Variants in BICC1 observed in about 807,000 individuals in gnomAD.
BICC1 encodes the protein protein bicaudal C homolog 1.
BICC1 carries 43 observed loss-of-function variants against 111.0 expected under a neutral mutation model. The ratio of observed to expected loss-of-function variants is 0.39; its 90% CI spans 0.30 to 0.50. The LOEUF is 0.50. BICC1 is among the 20% of genes least tolerant of loss of function. BICC1 has a pLI of 0.88. For synonymous variants in BICC1, 467 were observed against 434.4 expected, an observed-to-expected ratio of 1.07 and a Z score of -0.93; for missense variants, 1,091 against 1,203.2, an observed-to-expected ratio of 0.91 and a Z score of 1.38.
intron 1 of BICC1, among the ~76,000 whole-genome samples, chr10:58,613,822 A>G (rs1845514140): frequency 6.6e-6 from 1 of 152,178 alleles, no homozygotes; most frequent in South Asian, 2.1e-4. Context: ...GTTGCTTTGA[A>G]TATTTTACAG....
intron 2 of BICC1, among the ~76,000 whole-genome samples, chr10:58,662,532 T>C (rs976980706): frequency 2.6e-5 from 4 of 152,124 alleles, no homozygotes; most frequent in Non-Finnish European, 5.9e-5. Flanking sequence ...AGTCTGAATG[T>C]TGCGAAAGCT....
chr10:58,653,067 T>C (rs561092345), intron 2 of BICC1, among the ~76,000 whole-genome samples: 25 of 152,280 alleles, frequency 1.6e-4, no homozygotes, highest in African/African-American at 5.5e-4. Flanking sequence ...TACAAAGTTA[T>C]TACCTTAGAG....
chr10:58,714,187 C>G (rs1285750107), intron 3 of BICC1, among the ~76,000 whole-genome samples: 2 of 152,152 alleles, frequency 1.3e-5, no homozygotes, highest in Non-Finnish European at 2.9e-5. Context: ...CACTGGATTC[C>G]CATTAGAATC....
intron 2 of BICC1, among the ~76,000 whole-genome samples, chr10:58,654,060 T>A (rs1838543722): frequency 1.4e-5 from 2 of 146,598 alleles, no homozygotes; most frequent in African/African-American, 5.0e-5. Context: ...ATGTGCCACA[T>A]TTTCTTAATC....
intron 2 of BICC1, among the ~76,000 whole-genome samples, chr10:58,661,283 A>G (rs1838836242): frequency 6.6e-6 from 1 of 150,396 alleles, no homozygotes; most frequent in Non-Finnish European, 1.5e-5. Context: ...CTCAATTCAG[A>G]ATACTGGTAT....
chr10:58,729,805 A>C (rs536207665), intron 3 of BICC1, among the ~76,000 whole-genome samples: 1 of 152,338 alleles, frequency 6.6e-6, no homozygotes, highest in South Asian at 2.1e-4. Context: ...TTGTGACGAC[A>C]GTACCAAGGG....
chr10:58,785,110 C>T (rs749291082), intron 4 of BICC1, 30 bp downstream of exon 4: 8 of 1,375,334 alleles, frequency 5.8e-6, no homozygotes, highest in Non-Finnish European at 8.0e-6. Flanking sequence ...ACTCAGATGT[C>T]AGAACCTTGT....
At chr10:58,593,114 T>TA (rs1320531227) in intron 1 of BICC1, among the ~76,000 whole-genome samples, 3 of 151,534 alleles carry the variant, frequency 2.0e-5, no homozygotes, top group Admixed American at 6.6e-5. Context: ...ACTCACAGTG[T>TA]AAAAAAAGCC....
intron 3 of BICC1, among the ~76,000 whole-genome samples, chr10:58,719,236 A>T (rs1398131668): frequency 6.6e-6 from 1 of 152,184 alleles, no homozygotes; most frequent in Non-Finnish European, 1.5e-5. Flanking sequence ...TATCTTGGAA[A>T]TATTTTTGAG....
intron 2 of BICC1, among the ~76,000 whole-genome samples, chr10:58,651,208 CT>C (rs1401443858): frequency 6.6e-6 from 1 of 152,218 alleles, no homozygotes; most frequent in Non-Finnish European, 1.5e-5. Flanking sequence ...TTCACAAATA[CT>C]TCCTCTGCAC....
chr10:58,789,152 G>C (rs142144613), intron 6 of BICC1, 110 bp from the exon 7 acceptor site: 4 of 872,984 alleles, frequency 4.6e-6, no homozygotes, highest in Middle Eastern at 2.4e-4. Flanking sequence ...ATCTATAAGG[G>C]CAGTTTATGC....
At chr10:58,708,813 G>T (rs1840482975) in intron 3 of BICC1, among the ~76,000 whole-genome samples, 1 of 152,168 alleles carries the variant, frequency 6.6e-6, no homozygotes, top group Non-Finnish European at 1.5e-5. Flanking sequence ...TTTCCTAGTG[G>T]CACAGTTGCT....
intron 3 of BICC1, among the ~76,000 whole-genome samples, chr10:58,767,255 G>A (rs569927832): frequency 1.7e-4 from 26 of 152,266 alleles, no homozygotes; most frequent in African/African-American, 6.0e-4. Context: ...TCAGGGCACT[G>A]CCCTAGGGAA....
chr10:58,657,111 C>T (rs565137931), intron 2 of BICC1, among the ~76,000 whole-genome samples: 90 of 152,236 alleles, frequency 5.9e-4, no homozygotes, highest in Admixed American at 2.9e-3. Context: ...TCCTCACGTG[C>T]GCCATTCCAT....
intron 1 of BICC1, among the ~76,000 whole-genome samples, chr10:58,571,351 TCAGGGATACATGTGCA>T (rs1843944433): frequency 6.6e-6 from 1 of 152,208 alleles, no homozygotes; most frequent in Non-Finnish European, 1.5e-5. Context: ...TATTGTAAGT[TCAGGGATACATGTGCA>T]GGATGCACAG....
chr10:58,687,129 C>T lies in BICC1; in HGVS notation c.238-14945C>T, dbSNP rs752262904. Among the ~76,000 whole-genome samples, 90 of 152,138 alleles carry T rather than the reference C, an allele frequency of 5.9e-4. 1 individual carries two copies. Among genetic ancestry groups the T allele is most frequent in the Non-Finnish European group, 5.7e-4 (39 of 68,022 alleles). On this transcript the variant is annotated intron_variant, in intron 2 of 20. Transcript: ENST00000373886. ...CAGCTGCAGGTCTGTTGGATTTTGC[C>T]GGAGATCCACTCCAGACCCTGTTTG...
intron 2 of BICC1, among the ~76,000 whole-genome samples, chr10:58,621,174 A>G (rs1000459701): frequency 1.3e-5 from 2 of 152,326 alleles, no homozygotes; most frequent in Non-Finnish European, 2.9e-5. Context: ...GGATCAATTC[A>G]TGTGGCATTC....
intron 18 of BICC1, among the ~76,000 whole-genome samples, chr10:58,814,618 T>TAA (rs35500718): frequency 1.1e-4 from 13 of 114,752 alleles, no homozygotes; most frequent in Admixed American, 1.8e-4. Context: ...TCATCTCTAC[T>TAA]AAAAAAAAAA....
intron 2 of BICC1, among the ~76,000 whole-genome samples, chr10:58,660,437 GA>G (rs1838805076): frequency 1.5e-5 from 2 of 129,126 alleles, no homozygotes; most frequent in Non-Finnish European, 3.4e-5. Flanking sequence ...TTCTTGCTGT[GA>G]CTCTTGTTTT....
Sources: gnomAD v4.1 joint callset for allele counts (sites outside exome capture counted in the v4.1 genomes callset) on GRCh38, gnomAD v4.1.1 for gene constraint, MANE v1.5 for transcripts, NCBI Gene and HGNC (gene_info 2026-07-23, HGNC 2026-07-21) for gene names.